The following COL22A1 variants were observed in gnomAD, a reference collection of about 807,000 sequenced individuals.
COL22A1 encodes collagen type XXII alpha 1 chain.
Under a neutral mutation model 248.9 loss-of-function variants are expected in COL22A1, and 221 were observed. That is an observed-to-expected ratio of 0.89 (90% CI 0.80 to 0.99). The LOEUF is 0.99. COL22A1 is among the 50% of genes least tolerant of loss of function. COL22A1 has a pLI of 0.00. For synonymous variants in COL22A1, 891 were observed against 793.4 expected (o/e 1.12, Z -2.07); for missense variants, 2,240 against 2,179.0 (o/e 1.03, Z -0.56).
intron 45 of COL22A1, among the ~76,000 whole-genome samples, chr8:138,654,665 G>C (rs1199404557): frequency 6.6e-6 from 1 of 152,080 alleles, no homozygotes; most frequent in Non-Finnish European, 1.5e-5. Flanking sequence ...TGTTCTTTCT[G>C]AAGTATAGAC....
chr8:138,848,864 G>C lies in COL22A1; in HGVS notation c.659-4706C>G, dbSNP rs572249006. ...ACGGTGGCCCCATGTTAGATCAGCA[G>C]GAGCAGTAGAAACAAGGGAAGGATG... On this transcript the variant is annotated intron_variant, in intron 3 of 64. Coordinates refer to ENST00000303045, the MANE Select transcript of COL22A1 (RefSeq NM_152888.3). 2.1e-3 allele frequency among the ~76,000 whole-genome samples: 325 copies of C among 152,308 alleles called. 2 individuals carry two copies. The highest frequency in any genetic ancestry group is 7.6e-3 in the African/African-American group (314 of 41,570).
At chr8:138,696,070 C>G (rs1354630464) in intron 32 of COL22A1, among the ~76,000 whole-genome samples, 1 of 152,168 alleles carries the variant, frequency 6.6e-6, no homozygotes, top group African/African-American at 2.4e-5. Flanking sequence ...AGGTGGTCCC[C>G]TTTTCACATA....
chr8:138,636,658 A>T (rs1821205029), intron 48 of COL22A1, 84 bp downstream of exon 48: 2 of 959,290 alleles, frequency 2.1e-6, no homozygotes, highest in Non-Finnish European at 3.3e-6. Context: ...AGAGACAAGG[A>T]ATGACATTGT....
chr8:138,610,362 A>G (rs962136968), intron 56 of COL22A1, among the ~76,000 whole-genome samples: 1 of 152,188 alleles, frequency 6.6e-6, no homozygotes, highest in African/African-American at 2.4e-5. Flanking sequence ...CAGGCCACAC[A>G]TACATTCGCA....
intron 30 of COL22A1, among the ~76,000 whole-genome samples, chr8:138,709,336 C>T (rs561884160): frequency 2.0e-5 from 3 of 152,074 alleles, no homozygotes; most frequent in Non-Finnish European, 4.4e-5. Context: ...GACACATGCA[C>T]ACGTATGTTT....
At chr8:138,641,663 C>A (rs146188370) in intron 47 of COL22A1, among the ~76,000 whole-genome samples, 1 of 152,318 alleles carries the variant, frequency 6.6e-6, no homozygotes, top group Non-Finnish European at 1.5e-5. Context: ...CTGAAGACAG[C>A]AGCTGCAAAT....
At chr8:138,756,300 T>C (rs1832998006) in intron 18 of COL22A1, among the ~76,000 whole-genome samples, 1 of 152,158 alleles carries the variant, frequency 6.6e-6, no homozygotes, top group Admixed American at 6.5e-5. Flanking sequence ...TAACTAAAAA[T>C]GTGGCACTGC....
intron 43 of COL22A1, among the ~76,000 whole-genome samples, chr8:138,660,919 CACACACAG>C (rs547592258): frequency 0.1 from 14,589 of 145,774 alleles, 1,093 homozygotes; most frequent in African/African-American, 0.21. Context: ...TACACAGACA[CACACACAG>C]ACACACAGAC....
intron 56 of COL22A1, among the ~76,000 whole-genome samples, chr8:138,609,533 A>G (rs1350663910): frequency 6.6e-6 from 1 of 152,190 alleles, no homozygotes; most frequent in East Asian, 1.9e-4. Flanking sequence ...CAGAGCAGCC[A>G]GCTGGATTTG....
chr8:138,616,945 T>C lies in COL22A1; in HGVS notation c.3839A>G (p.His1280Arg), dbSNP rs1426826027. The C allele has an allele frequency of 6.2e-7, 1 of 1,614,206 alleles. No homozygotes were observed. The highest frequency in any genetic ancestry group is 1.1e-5 in the South Asian group (1 of 91,080). Residue 1280 changes from histidine (H) to arginine (R), a missense_variant, in exon 54 of 65, where the codon CAC (histidine) becomes CGC (arginine). Transcript: ENST00000303045. The stretch of plus-strand genomic sequence containing the variant: ...ACCGGGTGCACCAGAATCGCCTGTG[T>C]GTCCCTTGAAGCCCTAGAAGGAAGA... ...GARGPPGFKG[H>R]TGDSGAPGPR...
At chr8:138,721,515 C>A (rs1829870575) in intron 26 of COL22A1, among the ~76,000 whole-genome samples, 1 of 152,188 alleles carries the variant, frequency 6.6e-6, no homozygotes, top group South Asian at 2.1e-4. Context: ...AAATTGAAAT[C>A]TCTTATTATG....
intron 45 of COL22A1, among the ~76,000 whole-genome samples, chr8:138,655,653 G>A (rs1823182995): frequency 6.6e-6 from 1 of 152,162 alleles, no homozygotes; most frequent in East Asian, 1.9e-4. Flanking sequence ...GAGCCACTGT[G>A]CCTGGCCTGT....
rs549288154 is a variant in COL22A1, at chr8:138,613,165, G to A, written c.3978+702C>T. ...CGGGAGGCTGAGGCAGGAGAATGGC[G>A]TGAACCTGGGAGGTGGAGCTTGCAG... On this transcript the variant is annotated intron_variant, in intron 56 of 64. Coordinates refer to ENST00000303045, the MANE Select transcript of COL22A1 (RefSeq NM_152888.3). 2.3e-4 allele frequency among the ~76,000 whole-genome samples: 35 copies of A among 151,462 alleles called. No homozygotes were observed. The South Asian group carries it at 4.6e-3, about 20-fold the overall frequency.
At chr8:138,895,738 C>A (rs1361485280) in intron 1 of COL22A1, among the ~76,000 whole-genome samples, 1 of 152,068 alleles carries the variant, frequency 6.6e-6, no homozygotes, top group African/African-American at 2.4e-5. Context: ...GAGTACGGAG[C>A]TCAAAAACTT....
intron 41 of COL22A1, among the ~76,000 whole-genome samples, chr8:138,673,661 A>G (rs1009327358): frequency 1.3e-5 from 2 of 152,180 alleles, no homozygotes; most frequent in African/African-American, 2.4e-5. Flanking sequence ...GCGGGTCTGT[A>G]TCCTGGCCCT....
intron 24 of COL22A1, among the ~76,000 whole-genome samples, chr8:138,724,961 G>A (rs1363472198): frequency 6.6e-6 from 1 of 152,192 alleles, no homozygotes; most frequent in African/African-American, 2.4e-5. Context: ...CTCCGTAGGT[G>A]GGTGTGGATT....
Position 138,635,959 on chromosome 8 carries a change from C to A in COL22A1, c.3555+783G>T, listed in dbSNP as rs76062281. Among the ~76,000 whole-genome samples, 1,028 of 152,190 alleles carry A rather than the reference C, an allele frequency of 6.8e-3. 7 individuals carry two copies. Among genetic ancestry groups the A allele is most frequent in the African/African-American group, 0.024 (995 of 41,500 alleles). On this transcript the variant is annotated intron_variant, in intron 48 of 64. Transcript: ENST00000303045. ...CCCAGTGAGGTCAGGAGTTTGTCTGCGAGTCATTCCAGATCTCAGAGCCAG... is the reference window on the plus strand; with the variant it reads ...CCCAGTGAGGTCAGGAGTTTGTCTGAGAGTCATTCCAGATCTCAGAGCCAG...
chr8:138,706,546 A>T (rs1295217424), intron 30 of COL22A1, among the ~76,000 whole-genome samples: 1 of 152,252 alleles, frequency 6.6e-6, no homozygotes, highest in Non-Finnish European at 1.5e-5. Context: ...TACTGGCTAC[A>T]TAACAAAATG....
chr8:138,655,716 T>G (rs972532658), intron 45 of COL22A1, among the ~76,000 whole-genome samples, 181 bp downstream of exon 45: 4 of 152,112 alleles, frequency 2.6e-5, no homozygotes, highest in African/African-American at 9.7e-5. Flanking sequence ...CAGTGGCTGT[T>G]GTGTTGGACA....
Sources: gnomAD v4.1 joint callset for allele counts (sites outside exome capture counted in the v4.1 genomes callset) on GRCh38, gnomAD v4.1.1 for gene constraint, MANE v1.5 for transcripts, NCBI Gene and HGNC (gene_info 2026-07-23, HGNC 2026-07-21) for gene names.